Variants in KCNN2 observed in about 807,000 individuals in gnomAD.
KCNN2 encodes small conductance calcium-activated potassium channel protein 2.
In KCNN2, 24 loss-of-function variants were observed where a neutral mutation model predicts 55.5. The observed-to-expected ratio is 0.43, with a 90% CI of 0.31 to 0.61. The LOEUF (loss-of-function observed/expected upper bound fraction) is 0.61, where lower values mean the gene tolerates loss of function less well. Ranked by LOEUF, KCNN2 falls within the 20% of genes least tolerant of loss-of-function variation. KCNN2 has a pLI of 0.08. For synonymous variants in KCNN2, 431 were observed against 336.1 expected (o/e 1.28, Z -3.09); for missense variants, 754 against 853.6 (o/e 0.88, Z 1.45).
chr5:114,072,705 C>A (rs759942998), intron 1 of KCNN2, among the ~76,000 whole-genome samples: 1 of 152,094 alleles, frequency 6.6e-6, no homozygotes, highest in African/African-American at 2.4e-5. Flanking sequence ...GCAACTAAAC[C>A]GCTTGGGTTC....
intron 1 of KCNN2, among the ~76,000 whole-genome samples, chr5:114,216,207 A>T (rs972274371): frequency 6.6e-6 from 1 of 152,170 alleles, no homozygotes; most frequent in African/African-American, 2.4e-5. Context: ...TTTCAACAAC[A>T]TGAGAAACAA....
intron 2 of KCNN2, among the ~76,000 whole-genome samples, chr5:114,251,662 CG>C (rs1237509921): frequency 6.6e-6 from 1 of 152,116 alleles, no homozygotes; most frequent in Non-Finnish European, 1.5e-5. Flanking sequence ...GATGTGGTCA[CG>C]TGTGCATTCC....
chr5:114,458,041 C>A (rs1216290807), intron 3 of KCNN2, among the ~76,000 whole-genome samples: 1 of 152,112 alleles, frequency 6.6e-6, no homozygotes, highest in Non-Finnish European at 1.5e-5. Context: ...GTTTCTTCTT[C>A]TCTGATGTCT....
intron 3 of KCNN2, among the ~76,000 whole-genome samples, chr5:114,433,023 A>T (rs573475600): frequency 1.1e-3 from 163 of 151,998 alleles, no homozygotes; most frequent in Non-Finnish European, 1.8e-3. Flanking sequence ...CCCCTGCTCC[A>T]CGGTGCCCAG....
chr5:114,058,096 G>A (rs1750249144), intron 1 of KCNN2, among the ~76,000 whole-genome samples: 1 of 152,180 alleles, frequency 6.6e-6, no homozygotes, highest in Non-Finnish European at 1.5e-5. Flanking sequence ...CAGAAGACAT[G>A]CATGTGAATA....
intron 2 of KCNN2, among the ~76,000 whole-genome samples, chr5:114,366,882 T>C (rs886550435): frequency 6.6e-6 from 1 of 152,260 alleles, no homozygotes; most frequent in African/African-American, 2.4e-5. Flanking sequence ...TCCTTGGATG[T>C]AGCATATAAT....
At chr5:114,204,791 G>A (rs1034474640) in intron 1 of KCNN2, among the ~76,000 whole-genome samples, 1 of 152,196 alleles carries the variant, frequency 6.6e-6, no homozygotes, top group Non-Finnish European at 1.5e-5. Context: ...TTTTAGACAT[G>A]TAAGTTGGGA....
At chr5:114,400,907 C>T (rs1382283301) in intron 2 of KCNN2, among the ~76,000 whole-genome samples, 1 of 152,008 alleles carries the variant, frequency 6.6e-6, no homozygotes, top group Non-Finnish European at 1.5e-5. Flanking sequence ...TGTTTCTTTC[C>T]TTCATAACAA....
At chr5:114,319,453 T>A (rs1317149705) in intron 2 of KCNN2, among the ~76,000 whole-genome samples, 2 of 152,218 alleles carry the variant, frequency 1.3e-5, no homozygotes, top group Non-Finnish European at 2.9e-5. Flanking sequence ...AAATTCATCA[T>A]AGAAATGAAC....
intron 3 of KCNN2, among the ~76,000 whole-genome samples, chr5:114,450,136 C>T (rs1760609072): frequency 6.6e-6 from 1 of 152,346 alleles, no homozygotes; most frequent in South Asian, 2.1e-4. Flanking sequence ...CGTCAGCTGG[C>T]CGCTACCCAT....
chr5:114,314,590 G>A (rs1193865235), intron 2 of KCNN2, among the ~76,000 whole-genome samples: 2 of 152,044 alleles, frequency 1.3e-5, no homozygotes, highest in Non-Finnish European at 2.9e-5. Context: ...TGGCTGAGAA[G>A]CATGCCTTTT....
intron 2 of KCNN2, among the ~76,000 whole-genome samples, chr5:114,339,653 A>G (rs1471085367): frequency 2.6e-5 from 4 of 151,936 alleles, no homozygotes; most frequent in African/African-American, 9.7e-5. Context: ...AAATACAAAA[A>G]TTAGCCAGGC....
chr5:114,147,810 G>A (rs6873190), intron 1 of KCNN2, among the ~76,000 whole-genome samples: 124,653 of 152,130 alleles, frequency 0.82, 52,061 homozygotes, highest in East Asian at 0.94. Flanking sequence ...GGACTTTTTG[G>A]GGCTTAATGG....
Position 114,341,492 on chromosome 5 carries a change from T to C in KCNN2, c.-184-19453T>C, listed in dbSNP as rs1757013736. Among the ~76,000 whole-genome samples, 3 of 152,270 alleles carry C rather than the reference T, an allele frequency of 2.0e-5. No individual in the cohort carries two copies. The South Asian group carries it at 6.2e-4, about 32-fold the overall frequency. ...TAGGGGTTTTCAGATCCTGGACAAC[T>C]TGCTTAGCATATCACAACCAGATTA... On this transcript the variant is annotated intron_variant, in intron 2 of 10. Coordinates refer to the KCNN2 transcript ENST00000512097.
chr5:114,298,600 C>T (rs56398861), intron 2 of KCNN2, among the ~76,000 whole-genome samples: 24,875 of 152,136 alleles, frequency 0.16, 3,545 homozygotes, highest in East Asian at 0.81. Context: ...AAAATATCAT[C>T]ACAAATATTC....
At chr5:114,295,359 G>A (rs911969235) in intron 2 of KCNN2, among the ~76,000 whole-genome samples, 19 of 152,160 alleles carry the variant, frequency 1.2e-4, no homozygotes, top group Non-Finnish European at 2.4e-4. Context: ...CACCCAGTTC[G>A]AGCTTCCAGG....
intron 2 of KCNN2, among the ~76,000 whole-genome samples, chr5:114,308,739 A>G (rs1561564982): frequency 6.6e-6 from 1 of 152,148 alleles, no homozygotes; most frequent in Non-Finnish European, 1.5e-5. Context: ...TCACCAAGAG[A>G]GCCCGCAGCT....
At chr5:114,419,953 A>G (rs1197526110) in intron 3 of KCNN2, among the ~76,000 whole-genome samples, 1 of 152,260 alleles carries the variant, frequency 6.6e-6, no homozygotes, top group Non-Finnish European at 1.5e-5. Flanking sequence ...AGCTATGATC[A>G]CGAGGCTATA....
intron 2 of KCNN2, among the ~76,000 whole-genome samples, chr5:114,369,225 T>G (rs1312302288): frequency 1.3e-5 from 2 of 152,202 alleles, no homozygotes; most frequent in Admixed American, 6.5e-5. Context: ...TAAAGAAATC[T>G]AAAAAGTTTA....
Sources: allele counts gnomAD v4.1 joint callset (sites outside exome capture counted in the v4.1 genomes callset), GRCh38; gene constraint gnomAD v4.1.1; transcripts MANE v1.5; gene names NCBI Gene and HGNC (gene_info 2026-07-23, HGNC 2026-07-21).